The following IFT81 variants were observed in gnomAD, a reference collection of about 807,000 sequenced individuals.
IFT81 encodes the protein intraflagellar transport 81.
A neutral mutation model predicts 102.6 loss-of-function variants in IFT81; 72 were observed. The observed-to-expected ratio is 0.70, with a 90% confidence interval of 0.58 to 0.85. IFT81 has a LOEUF of 0.85. IFT81 is among the 40% of genes least tolerant of loss of function. The pLI is 0.00. For missense variants in IFT81, 723 were observed against 787.3 expected, an observed-to-expected ratio of 0.92 and a Z score of 0.98; for synonymous variants, 237 against 242.7, an observed-to-expected ratio of 0.98 and a Z score of 0.22.
chr12:110,205,708 GA>G, intron 17 of IFT81, 28 bp downstream of exon 17: 7 of 1,384,516 alleles, frequency 5.1e-6, no homozygotes, highest in Non-Finnish European at 7.0e-6. Context: ...TTTATATTGA[GA>G]TACTTAATAT....
At chr12:110,199,061 C>T (rs886845192) in intron 14 of IFT81, among the ~76,000 whole-genome samples, 7 of 152,124 alleles carry the variant, frequency 4.6e-5, no homozygotes, top group African/African-American at 1.4e-4. Flanking sequence ...CGGCCACCTC[C>T]GCCTCCCGAA....
chr12:110,165,479 C>G (rs1896383254), intron 11 of IFT81, among the ~76,000 whole-genome samples: 1 of 152,036 alleles, frequency 6.6e-6, no homozygotes, highest in Non-Finnish European at 1.5e-5. Context: ...ATCTGTTAAA[C>G]AGTTGGTGAG....
At chr12:110,137,395 T>G (rs1397529332) in intron 8 of IFT81, among the ~76,000 whole-genome samples, 2 of 151,566 alleles carry the variant, frequency 1.3e-5, no homozygotes, top group Non-Finnish European at 2.9e-5. Flanking sequence ...GTGAAGATAA[T>G]GAAAACAACT....
chr12:110,208,595 C>A (rs1868997206), intron 17 of IFT81, among the ~76,000 whole-genome samples: 1 of 152,058 alleles, frequency 6.6e-6, no homozygotes, highest in African/African-American at 2.4e-5. Flanking sequence ...TTACCTCATT[C>A]TTTTGTATAA....
chr12:110,205,275 T>C, intron 15 of IFT81, 168 bp from the exon 16 acceptor site: 1 of 630,090 alleles, frequency 1.6e-6, no homozygotes, highest in South Asian at 2.5e-5. Context: ...GTGATATGTG[T>C]ATTCTCTAGA....
intron 11 of IFT81, among the ~76,000 whole-genome samples, chr12:110,177,915 T>C (rs1897107279): frequency 6.7e-6 from 1 of 149,736 alleles, no homozygotes; most frequent in South Asian, 2.1e-4. Context: ...GCCAACATGG[T>C]GAAACCCCAT....
intron 10 of IFT81, among the ~76,000 whole-genome samples, chr12:110,161,867 A>G (rs903747146): frequency 1.3e-5 from 2 of 152,156 alleles, no homozygotes; most frequent in African/African-American, 2.4e-5. Flanking sequence ...GATTTGTGCT[A>G]GAGATTTCGC....
intron 9 of IFT81, among the ~76,000 whole-genome samples, chr12:110,144,678 T>C (rs1194805035): frequency 6.7e-6 from 1 of 149,852 alleles, no homozygotes; most frequent in Non-Finnish European, 1.5e-5. Flanking sequence ...GCCTGGCCAA[T>C]TTTTTTATTT....
chr12:110,198,964 A>G (rs1011343004), intron 14 of IFT81, among the ~76,000 whole-genome samples: 1 of 151,524 alleles, frequency 6.6e-6, no homozygotes, highest in African/African-American at 2.4e-5. Context: ...CATGCGCACC[A>G]CGCCTGGCTA....
intron 11 of IFT81, among the ~76,000 whole-genome samples, chr12:110,176,935 C>A (rs933213020): frequency 6.6e-5 from 10 of 152,192 alleles, no homozygotes; most frequent in Admixed American, 5.9e-4. Context: ...CAGAGGATAG[C>A]AGATGAACAG....
At chr12:110,187,353 T>C (rs1897581777) in intron 12 of IFT81, among the ~76,000 whole-genome samples, 1 of 152,046 alleles carries the variant, frequency 6.6e-6, no homozygotes, top group African/African-American at 2.4e-5. Context: ...AGCCTCCACC[T>C]CCTGGGTTCA....
intron 11 of IFT81, among the ~76,000 whole-genome samples, chr12:110,178,882 G>A (rs1013476212): frequency 6.6e-6 from 1 of 151,440 alleles, no homozygotes; most frequent in Admixed American, 6.6e-5. Flanking sequence ...CTCCCAAAGT[G>A]TTAGGATTAT....
intron 11 of IFT81, chr12:110,168,397 C>A: frequency 2.2e-6 from 1 of 446,928 alleles, no homozygotes; most frequent in Non-Finnish European, 3.0e-6. Flanking sequence ...TGTGCTTAAA[C>A]AAAATGCCAT....
chr12:110,215,700 T>C (rs1432371951), intron 18 of IFT81, among the ~76,000 whole-genome samples: 1 of 151,598 alleles, frequency 6.6e-6, no homozygotes, highest in African/African-American at 2.4e-5. Flanking sequence ...TCTCTCTCTC[T>C]TTTTTCCTAC....
chr12:110,189,993 T>C (rs962290246), intron 12 of IFT81, among the ~76,000 whole-genome samples: 3 of 152,168 alleles, frequency 2.0e-5, no homozygotes, highest in African/African-American at 4.8e-5. Flanking sequence ...ACTTGAACTA[T>C]TGAGACGGTC....
chr12:110,179,474 C>A (rs1362937093), intron 11 of IFT81, among the ~76,000 whole-genome samples: 3 of 151,692 alleles, frequency 2.0e-5, no homozygotes, highest in Non-Finnish European at 4.4e-5. Flanking sequence ...GTAATCCCAG[C>A]ACTTTGGGAG....
chr12:110,183,767 C>T (rs1897403501), intron 12 of IFT81, among the ~76,000 whole-genome samples: 1 of 152,164 alleles, frequency 6.6e-6, no homozygotes, highest in African/African-American at 2.4e-5. Context: ...ACAAGCTGAG[C>T]CATTTGCCAC....
chr12:110,163,544 C>G (rs913296884), intron 11 of IFT81, among the ~76,000 whole-genome samples: 1 of 149,824 alleles, frequency 6.7e-6, no homozygotes, highest in Non-Finnish European at 1.5e-5. Flanking sequence ...CCTGGCCATA[C>G]TGAGAATTTC....
intron 10 of IFT81, among the ~76,000 whole-genome samples, chr12:110,158,995 T>C (rs1180494084): frequency 6.6e-6 from 1 of 152,236 alleles, no homozygotes; most frequent in Non-Finnish European, 1.5e-5. Flanking sequence ...GTGCTGGGAT[T>C]ACAAGTGTGA....
Sources: allele counts gnomAD v4.1 joint callset (sites outside exome capture counted in the v4.1 genomes callset), GRCh38; gene constraint gnomAD v4.1.1; transcripts MANE v1.5; gene names NCBI Gene and HGNC (gene_info 2026-07-23, HGNC 2026-07-21).